Variants in DAB2IP observed in about 807,000 individuals in gnomAD.
DAB2IP encodes disabled homolog 2-interacting protein.
Under a neutral mutation model 107.2 loss-of-function variants are expected in DAB2IP, and 28 were observed. That is an observed-to-expected ratio of 0.26 (90% CI 0.19 to 0.36). The LOEUF (loss-of-function observed/expected upper bound fraction) is 0.36. Among genes scored for constraint, DAB2IP ranks in the 10% least tolerant of loss-of-function variants. DAB2IP has a pLI of 1.00. For missense variants in DAB2IP, 1,400 were observed against 1,644.7 expected, an observed-to-expected ratio of 0.85 and a Z score of 2.57; for synonymous variants, 755 against 706.4, an observed-to-expected ratio of 1.07 and a Z score of -1.09.
At chr9:121,647,235 C>G (rs1358443803), upstream of DAB2IP, among the ~76,000 whole-genome samples, 1 of 152,178 alleles carries the variant, frequency 6.6e-6, no homozygotes, top group East Asian at 1.9e-4. Context: ...CCCCCCTGTA[C>G]AGAATGGCCC....
intron 1 of DAB2IP, among the ~76,000 whole-genome samples, chr9:121,600,427 C>T (rs561722866): frequency 6.6e-6 from 1 of 152,314 alleles, no homozygotes; most frequent in Admixed American, 6.5e-5. Context: ...CCAACGCCAC[C>T]TGCTTCCAGT....
chr9:121,715,300 CT>C (rs999950628), intron 3 of DAB2IP, among the ~76,000 whole-genome samples: 5 of 151,900 alleles, frequency 3.3e-5, no homozygotes, highest in African/African-American at 1.2e-4. Context: ...TCTTTGCTTC[CT>C]TTTAATGACA....
chr9:121,781,414 A>AC (rs980657263), intron 14 of DAB2IP, 50 bp from the exon 15 acceptor site: 1 of 1,586,402 alleles, frequency 6.3e-7, no homozygotes, highest in African/African-American at 1.3e-5. Flanking sequence ...CACCCTCCCC[A>AC]CCTCTGCTGC....
intron 1 of DAB2IP, among the ~76,000 whole-genome samples, chr9:121,674,544 G>A (rs1248249261): frequency 6.6e-6 from 1 of 152,182 alleles, no homozygotes; most frequent in Admixed American, 6.5e-5. Flanking sequence ...CTTCTCAGGT[G>A]GAGGGGTGTA....
chr9:121,714,091 G>A (rs1274869719), intron 3 of DAB2IP, among the ~76,000 whole-genome samples: 2 of 152,136 alleles, frequency 1.3e-5, no homozygotes, highest in Non-Finnish European at 2.9e-5. Context: ...TCACACACAT[G>A]TACTCACATT....
At chr9:121,743,182 CCTGT>C (rs962424596) in intron 3 of DAB2IP, among the ~76,000 whole-genome samples, 6 of 152,158 alleles carry the variant, frequency 3.9e-5, no homozygotes, top group African/African-American at 1.4e-4. Context: ...AATGGTAATG[CCTGT>C]CTGTGGAGTG....
Position 121,638,013 on chromosome 9 carries a change from C to T in DAB2IP, c.41-40665C>T, listed in dbSNP as rs544205708. ...ACTCAATGGTGACACCCCCCTCCCC[C>T]CATTGGCAGCTGCTGTGTGACAATG... On this transcript the variant is annotated intron_variant, in intron 1 of 16. Transcript: ENST00000259371. 1.6e-4 allele frequency among the ~76,000 whole-genome samples: 25 copies of T among 152,256 alleles called. No homozygotes were observed. In the South Asian group the frequency reaches 4.6e-3, roughly 28 times the overall value.
At chr9:121,720,019 G>C (rs1269045167) in intron 3 of DAB2IP, among the ~76,000 whole-genome samples, 1 of 152,198 alleles carries the variant, frequency 6.6e-6, no homozygotes, top group African/African-American at 2.4e-5. Context: ...CAGTGAACCA[G>C]ATTGTTCACC....
chr9:121,773,177 TCGGCGGCCCGGTGAGCTGGCA>T (rs1449516016), exon 12 of DAB2IP: 2 of 1,597,018 alleles, frequency 1.3e-6, no homozygotes, highest in East Asian at 2.3e-5. Context: ...AGGAGCTGGC[TCGGCGGCCCGGTGAGCTGGCA>T]CGGCGACAGA....
intron 9 of DAB2IP, among the ~76,000 whole-genome samples, chr9:121,767,544 G>T (rs1431351171): frequency 2.0e-5 from 3 of 152,212 alleles, no homozygotes; most frequent in East Asian, 3.9e-4. Flanking sequence ...TCCCAGGGAG[G>T]GCCATGCACT....
At position 121,776,219 on chromosome 9, in the gene DAB2IP, A is replaced by G; in HGVS notation, c.3142A>G (p.Lys1048Glu). 1 of 1,579,858 alleles carries G rather than the reference A, an allele frequency of 6.3e-7. No individual in the cohort carries two copies. Among genetic ancestry groups the G allele is most frequent in the East Asian group, 2.3e-5 (1 of 43,444 alleles). ...GTAGGACCTGGCGGTGCTGCAGGAC[A>G]AGCTGCGAATCTCCACCAAGAAGCT... The change falls in exon 14 of 16, where the codon AAG becomes GAG. Residue 1048 changes from lysine to glutamate, a missense_variant. Transcript: ENST00000408936. This position sits in a 1 kb window ranked among gnomAD's most constrained non-coding sequence, Gnocchi z 5.4.
chr9:121,758,865 C>T (rs751948717), intron 4 of DAB2IP, 33 bp from the exon 5 acceptor site: 21 of 1,597,390 alleles, frequency 1.3e-5, no homozygotes, highest in Non-Finnish European at 1.8e-5. Context: ...GTGGTCCCTT[C>T]CCTCATAACA....
At chr9:121,646,684 G>A (rs1395729159), upstream of DAB2IP, among the ~76,000 whole-genome samples, 1 of 152,072 alleles carries the variant, frequency 6.6e-6, no homozygotes, top group Non-Finnish European at 1.5e-5. Context: ...CCATTGTGTG[G>A]GGCCTAGTGT....
intron 3 of DAB2IP, among the ~76,000 whole-genome samples, chr9:121,750,453 G>T (rs1833036049): frequency 6.6e-6 from 1 of 152,174 alleles, no homozygotes; most frequent in Non-Finnish European, 1.5e-5. Flanking sequence ...GCTCCTGCTT[G>T]CACACTTTCA....
intron 1 of DAB2IP, among the ~76,000 whole-genome samples, chr9:121,575,915 G>C (rs995384348): frequency 6.6e-6 from 1 of 152,032 alleles, no homozygotes; most frequent in Non-Finnish European, 1.5e-5. Context: ...AAGGGGAAGG[G>C]TCTCTTGAGG....
At position 121,744,625 on chromosome 9, in the gene DAB2IP, G is replaced by A. The variant is rs1206510938; in HGVS notation, c.363-12388G>A. Among the ~76,000 whole-genome samples the A allele has an allele frequency of 2.0e-5, 3 of 152,202 alleles. No individual in the cohort carries two copies. The East Asian group carries it at 5.8e-4, about 29-fold the overall frequency. ...TAGTTACTTAAAAGTTGGTGCATTT[G>A]GTCATAGGATTTTTGTAGGTTTGGT... On this transcript the variant is annotated intron_variant, in intron 3 of 15. Coordinates refer to ENST00000408936, the Ensembl canonical transcript of DAB2IP.
Position 121,766,474 on chromosome 9 carries a change from C to CT in DAB2IP, c.1461-17dup. ...GCCCCTGCCTGACAGCCAAGCCCACCTTTGTCTGTCCCTACACAGTGTCTT... is the reference window on the plus strand; with the variant it reads ...GCCCCTGCCTGACAGCCAAGCCCACCTTTTGTCTGTCCCTACACAGTGTCTT... On this transcript the variant is annotated intron_variant, in intron 8 of 15. Coordinates refer to ENST00000408936, the Ensembl canonical transcript of DAB2IP. 1 of 1,596,584 alleles carries CT rather than the reference C, an allele frequency of 6.3e-7. No homozygotes were observed. Among genetic ancestry groups the CT allele is most frequent in the South Asian group, 1.1e-5 (1 of 90,812 alleles).
intron 1 of DAB2IP, among the ~76,000 whole-genome samples, chr9:121,626,105 A>G (rs1369887376): frequency 1.3e-5 from 2 of 152,182 alleles, no homozygotes; most frequent in East Asian, 3.8e-4. Context: ...CAGAATTATG[A>G]TTCAAGGCAA....
At chr9:121,602,047 C>G (rs1612348) in intron 1 of DAB2IP, among the ~76,000 whole-genome samples, 1 of 151,854 alleles carries the variant, frequency 6.6e-6, no homozygotes, top group African/African-American at 2.4e-5. Flanking sequence ...CACTCCCACT[C>G]CCCCCCAACC....
Sources: allele counts gnomAD v4.1 joint callset (sites outside exome capture counted in the v4.1 genomes callset), GRCh38; gene constraint gnomAD v4.1.1; non-coding constraint Gnocchi (gnomAD v3.1); transcripts MANE v1.5; gene names NCBI Gene and HGNC (gene_info 2026-07-23, HGNC 2026-07-21).